SLC25A32: variants seen among roughly 807,000 people sequenced by gnomAD.
SLC25A32 encodes Glycine auxotroph B, complementation of hamster.
A neutral mutation model predicts 39.0 loss-of-function variants in SLC25A32; 32 were observed. The observed-to-expected ratio is 0.82, with a 90% CI of 0.62 to 1.10. The LOEUF is 1.10. Among genes scored for constraint, SLC25A32 ranks in the 50% least tolerant of loss-of-function variants. The probability of loss-of-function intolerance (pLI) is 0.00; values close to 1 mark genes in which losing one functional copy is unlikely to be tolerated. For missense variants in SLC25A32, 367 were observed against 395.3 expected (o/e 0.93, Z 0.61); for synonymous variants, 166 against 152.4 (o/e 1.09, Z -0.66).
chr8:103,405,162 G>C (rs566597164), intron 2 of SLC25A32, among the ~76,000 whole-genome samples: 1 of 152,252 alleles, frequency 6.6e-6, no homozygotes, highest in Non-Finnish European at 1.5e-5. Context: ...GTGGTACACA[G>C]ACTGGCCATA....
intron 2 of SLC25A32, among the ~76,000 whole-genome samples, chr8:103,406,876 A>G (rs1816343505): frequency 1.3e-5 from 2 of 152,224 alleles, no homozygotes; most frequent in African/African-American, 4.8e-5. Context: ...CAGTATTTAT[A>G]AAATTTTCTA....
At position 103,403,277 on chromosome 8, in the gene SLC25A32, G is replaced by T; in HGVS notation, c.439C>A (p.Arg147Ser). 1.2e-6 allele frequency: 2 copies of T among 1,612,474 alleles called. No individual in the cohort carries two copies. The highest frequency in any genetic ancestry group is 1.7e-6 in the Non-Finnish European group (2 of 1,178,958). ...ITNPLWVTKT[R>S]LMLQYDAVVN... is the part of the protein sequence containing the mutation. ...ACAGCATCATACTGTAACATAAGGC[G>T]AGTTTTTGTTACCCATAATGGGTTT... The change falls in exon 4 of 7, where the codon CGC becomes AGC. Residue 147 changes from arginine (R) to serine (S), a missense_variant. Transcript: ENST00000297578.
chr8:103,404,885 T>C, intron 2 of SLC25A32, 24 bp from the exon 3 acceptor site: 4 of 1,536,304 alleles, frequency 2.6e-6, no homozygotes, highest in Non-Finnish European at 3.6e-6. Flanking sequence ...ATGTGAGCAG[T>C]TTAATTTGAA....
At chr8:103,408,041 G>T (rs1423192403) in intron 1 of SLC25A32, among the ~76,000 whole-genome samples, 2 of 150,114 alleles carry the variant, frequency 1.3e-5, no homozygotes, top group African/African-American at 2.4e-5. Context: ...GCAGTGGCAC[G>T]ATCTTGGCTC....
At chr8:103,410,451 G>C (rs1048036764) in intron 1 of SLC25A32, among the ~76,000 whole-genome samples, 1 of 152,090 alleles carries the variant, frequency 6.6e-6, no homozygotes, top group Non-Finnish European at 1.5e-5. Flanking sequence ...ACAGAATCTC[G>C]AACCCTATTG....
chr8:103,400,307 C>T lies in SLC25A32; in HGVS notation c.*104G>A, dbSNP rs1816189391. 8.1e-6 allele frequency: 11 copies of T among 1,355,570 alleles called. No individual in the cohort carries two copies. Among genetic ancestry groups the T allele is most frequent in the Admixed American group, 2.1e-5 (1 of 48,760 alleles). 84.0% of individuals were successfully genotyped at this position (1,355,570 alleles called of 1,614,324 possible). A position where few individuals can be genotyped will look rare whatever the true frequency, so the allele number is the denominator to read the frequency against. On this transcript the variant is annotated 3_prime_UTR_variant, in exon 7 of 7. Coordinates refer to ENST00000297578, the MANE Select transcript of SLC25A32 (RefSeq NM_030780.5). ...GCTTCTAATGACTATAGAGCAATTT[C>T]GAATATGAGCCATGTTTCTATGCAG...
In SLC25A32 at chr8:103,407,970, T is replaced by A. The variant is rs58554324; in HGVS notation, c.155-186A>T. ...ACATATATATATAAATATATATATA[T>A]ATAAATATGTAAAATATACATTTTT... On this transcript the variant is annotated intron_variant, in intron 1 of 6. Transcript: ENST00000297578. 1.1e-3 allele frequency among the ~76,000 whole-genome samples: 157 copies of A among 147,142 alleles called. 2 individuals are homozygous for A. Among genetic ancestry groups the A allele is most frequent in the African/African-American group, 3.3e-3 (133 of 40,326 alleles).
Position 103,400,486 on chromosome 8 carries a change from T to C in SLC25A32, c.873A>G (p.Pro291=). The part of the protein sequence containing the change: ...GIAPNLIRVT[P]ACCITFVVYE... ...ATACCACAAAGGTAATACAGCAGGC[T>C]GGAGTCACTCTAATCAAATTAGGAG... The change falls in exon 7 of 7, where the codon CCA becomes CCG. Residue 291 remains proline, a synonymous_variant. Transcript: ENST00000297578. The C allele has an allele frequency of 2.5e-6, 4 of 1,614,118 alleles. No homozygotes were observed. Among genetic ancestry groups the C allele is most frequent in the Non-Finnish European group, 3.4e-6 (4 of 1,179,942 alleles).
intron 3 of SLC25A32, 70 bp downstream of exon 3, chr8:103,404,706 A>T (rs1468965887): frequency 1.9e-6 from 2 of 1,035,598 alleles, no homozygotes; most frequent in East Asian, 2.4e-5. Flanking sequence ...TTCAAAGAAA[A>T]GAAATCAAAA....
chr8:103,410,972 C>G (rs528375303), intron 1 of SLC25A32, among the ~76,000 whole-genome samples: 8 of 152,310 alleles, frequency 5.3e-5, no homozygotes, highest in Admixed American at 2.6e-4. Context: ...TAATCTCCCC[C>G]CTACCTGTGC....
rs1816449790 is a variant in SLC25A32 at position 103,410,866 on chromosome 8, T to C, written c.155-3082A>G. Among the ~76,000 whole-genome samples the C allele has an allele frequency of 2.6e-5, 4 of 152,322 alleles. No individual in the cohort carries two copies. In the South Asian group the frequency reaches 8.3e-4, roughly 32 times the overall value. On this transcript the variant is annotated intron_variant, in intron 1 of 6. Coordinates refer to ENST00000297578, the MANE Select transcript of SLC25A32 (RefSeq NM_030780.5). ...TATAATGACTTTAAAAAAATTATCA[T>C]CTAGCACTATCACCCTTACACAACC...
rs1011840569 is a variant in SLC25A32, at chr8:103,400,074, A to G, written c.*337T>C. Reference sequence around the variant, plus strand: ...AAGCAATCCAGGCAAGTAAGCTCACAAAAAGAAGTACATTCATCTAATCCA... The same window carrying G: ...AAGCAATCCAGGCAAGTAAGCTCACGAAAAGAAGTACATTCATCTAATCCA... On this transcript the variant is annotated 3_prime_UTR_variant, in exon 7 of 7. Transcript: ENST00000297578. 3.7e-6 allele frequency: 1 copy of G among 269,080 alleles called. No homozygotes were observed. The highest frequency in any genetic ancestry group is 2.3e-5 in the African/African-American group (1 of 43,804). The allele number at this position is 269,080 out of a possible 1,614,324, so 16.7% of individuals were successfully genotyped here.
At chr8:103,411,972 C>A (rs917629815) in intron 1 of SLC25A32, among the ~76,000 whole-genome samples, 1 of 152,194 alleles carries the variant, frequency 6.6e-6, no homozygotes, top group African/African-American at 2.4e-5. Context: ...CGGAAACAGA[C>A]TTTCTGAGCT....
Position 103,401,640 on chromosome 8 carries a change from CAGAT to C in SLC25A32, c.684_687del (p.Ile228MetfsTer20), listed in dbSNP as rs1816221435. The C allele has an allele frequency of 1.2e-6, 2 of 1,612,418 alleles. No individual in the cohort carries two copies. Among genetic ancestry groups the C allele is most frequent in the African/African-American group, 2.7e-5 (2 of 74,858 alleles). ...GCAAATATTTTGGATAGTGCTGCAACAGATATATATTCTACTGTGCTCTAAAATG... is the reference window on the plus strand; with the variant it reads ...GCAAATATTTTGGATAGTGCTGCAACATATATTCTACTGTGCTCTAAAATG... On this transcript the variant is annotated frameshift_variant, in exon 6 of 7. Transcript: ENST00000297578. LOFTEE classifies it high-confidence loss of function.
At chr8:103,410,556 C>A (rs1816443869) in intron 1 of SLC25A32, among the ~76,000 whole-genome samples, 1 of 152,164 alleles carries the variant, frequency 6.6e-6, no homozygotes, top group African/African-American at 2.4e-5. Flanking sequence ...TGAAATCATC[C>A]ATACCTCCTC....
intron 1 of SLC25A32, 120 bp downstream of exon 1, chr8:103,414,664 C>G: frequency 7.2e-7 from 1 of 1,392,380 alleles, no homozygotes; most frequent in South Asian, 1.3e-5. Context: ...TCAGGTTAGC[C>G]AACGCGGACA....
At chr8:103,408,944 T>C (rs1185675484) in intron 1 of SLC25A32, among the ~76,000 whole-genome samples, 1 of 152,358 alleles carries the variant, frequency 6.6e-6, no homozygotes, top group Admixed American at 6.5e-5. Flanking sequence ...GCATTTAAAG[T>C]AGTCTTCTTG....
intron 1 of SLC25A32, among the ~76,000 whole-genome samples, chr8:103,408,045 T>C (rs1259887698): frequency 6.6e-6 from 1 of 150,974 alleles, no homozygotes; most frequent in Non-Finnish European, 1.5e-5. Context: ...TGGCACGATC[T>C]TGGCTCACTG....
rs1439398235 is a variant in SLC25A32, at chr8:103,403,221, T to G, written c.495A>C (p.Gly165=). The change falls in exon 4 of 7, where the codon GGA becomes GGC. Residue 165 remains glycine (G), a synonymous_variant. Coordinates refer to ENST00000297578, the MANE Select transcript of SLC25A32 (RefSeq NM_030780.5). ...VVNSPHRQYK[G]MFDTLVKIYK... ...ATATTTTCACAAGTGTATCAAACAT[T>G]CCTTTATATTGTCGGTGTGGGGAGT... The G allele has an allele frequency of 6.2e-7, 1 of 1,612,740 alleles. No individual in the cohort carries two copies. The highest frequency in any genetic ancestry group is 8.5e-7 in the Non-Finnish European group (1 of 1,179,050).
Sources: allele counts gnomAD v4.1 joint callset (sites outside exome capture counted in the v4.1 genomes callset), GRCh38; gene constraint gnomAD v4.1.1; transcripts MANE v1.5; gene names NCBI Gene and HGNC (gene_info 2026-07-23, HGNC 2026-07-21).